Variants in PARVB observed in about 807,000 individuals in gnomAD.
The protein encoded by PARVB is parvin beta, also known as beta-parvin.
In PARVB, 46 loss-of-function variants were observed where a neutral mutation model predicts 47.0. The observed-to-expected ratio is 0.98, with a 90% CI of 0.77 to 1.25. The LOEUF is 1.25. Among genes scored for constraint, PARVB ranks in the 50% most tolerant of loss-of-function variants. The probability of loss-of-function intolerance (pLI) is 0.00; values close to 1 mark genes in which losing one functional copy is unlikely to be tolerated. For missense variants in PARVB, 473 were observed against 471.6 expected, an observed-to-expected ratio of 1.00 and a Z score of -0.03; for synonymous variants, 196 against 196.3, an observed-to-expected ratio of 1.00 and a Z score of 0.01.
In PARVB at chr22:44,170,779, C is replaced by T. The variant is rs1480127811; in HGVS notation, c.*2101C>T. 11 of 152,406 alleles carry T rather than the reference C, an allele frequency of 7.2e-5. No individual in the cohort carries two copies. Among genetic ancestry groups the T allele is most frequent in the African/African-American group, 2.4e-4 (10 of 41,592 alleles). The allele number at this position is 152,406 out of a possible 1,614,324, so 9.4% of individuals were successfully genotyped here. A position where few individuals can be genotyped will look rare whatever the true frequency, so the allele number is the denominator to read the frequency against. Reference sequence around the variant, plus strand: ...TTCCTTGGCATCTCTCAGCATTCTCCGTAGTGAGCCTGGCCTTTCTGATCT... The same window carrying T: ...TTCCTTGGCATCTCTCAGCATTCTCTGTAGTGAGCCTGGCCTTTCTGATCT... On this transcript the variant is annotated 3_prime_UTR_variant, in exon 13 of 13. Transcript: ENST00000338758.
At chr22:44,057,771 G>C (rs915217162) in intron 1 of PARVB, among the ~76,000 whole-genome samples, 10 of 152,096 alleles carry the variant, frequency 6.6e-5, no homozygotes. Context: ...AGGGAGAGGA[G>C]AGAGAGGGGG....
At chr22:44,054,699 G>C (rs906463004) in intron 1 of PARVB, among the ~76,000 whole-genome samples, 2 of 152,140 alleles carry the variant, frequency 1.3e-5, no homozygotes, top group Non-Finnish European at 2.9e-5. Flanking sequence ...CTTAAAAATG[G>C]TTAAAGTAGC....
intron 8 of PARVB, chr22:44,144,184 G>A (rs2147126176): frequency 6.6e-6 from 1 of 152,440 alleles, no homozygotes; most frequent in East Asian, 1.9e-4. Flanking sequence ...CCCCAGGACT[G>A]CTTTGTGAAG....
chr22:44,158,374 C>T (rs2053981664), intron 11 of PARVB, among the ~76,000 whole-genome samples: 1 of 152,166 alleles, frequency 6.6e-6, no homozygotes. Flanking sequence ...GTAAACCCTT[C>T]CCCCATTCTG....
chr22:44,140,733 C>T (rs988886323), intron 8 of PARVB: 1 of 378,998 alleles, frequency 2.6e-6, no homozygotes, highest in Non-Finnish European at 5.3e-6. Flanking sequence ...GGTGAGATCA[C>T]AGGTGAGTGC....
intron 1 of PARVB, among the ~76,000 whole-genome samples, chr22:44,077,085 T>C (rs2051792803): frequency 1.3e-5 from 2 of 152,216 alleles, no homozygotes; most frequent in South Asian, 4.1e-4. Flanking sequence ...TGGGGTGTGC[T>C]AGTGTCCTGG....
At chr22:44,140,184 A>G (rs2053524032) in intron 8 of PARVB, 41 bp downstream of exon 8, 1 of 1,608,842 alleles carries the variant, frequency 6.2e-7, no homozygotes, top group African/African-American at 1.3e-5. Context: ...GAGGCATGTT[A>G]GGGCTCCCCC....
At chr22:44,139,983 C>A (rs780180302) in intron 7 of PARVB, 141 bp from the exon 8 acceptor site, 4 of 785,182 alleles carry the variant, frequency 5.1e-6, no homozygotes, top group Non-Finnish European at 9.1e-6. Flanking sequence ...ATGTGACTTG[C>A]GTTCTTATCA....
In PARVB at chr22:44,103,074, C is replaced by T. The variant is rs2052487287; in HGVS notation, c.273+2951C>T. 1.3e-5 allele frequency: 2 copies of T among 152,292 alleles called. No individual in the cohort carries two copies. The highest frequency in any genetic ancestry group is 2.9e-5 in the Non-Finnish European group (2 of 68,120). 9.4% of individuals were successfully genotyped at this position (152,292 alleles called of 1,614,324 possible). A position where few individuals can be genotyped will look rare whatever the true frequency, so the allele number is the denominator to read the frequency against. ...CTGGATGTCTGCAGTGCCACCCACC[C>T]CTGCCTTTGCTGCTTTGCTGCCAAA... On this transcript the variant is annotated intron_variant, in intron 3 of 12. Transcript: ENST00000338758. The surrounding 1 kb of genome is among the most constrained non-coding windows in gnomAD (Gnocchi z 4.6).
intron 1 of PARVB, among the ~76,000 whole-genome samples, chr22:44,039,303 C>G (rs2050975917): frequency 6.6e-6 from 1 of 152,138 alleles, no homozygotes; most frequent in African/African-American, 2.4e-5. Context: ...GTAATCCCAG[C>G]ACTCTGGGAG....
chr22:44,001,359 G>A (rs954417823), intron 2 of PARVB, among the ~76,000 whole-genome samples: 8 of 152,150 alleles, frequency 5.3e-5, no homozygotes, highest in African/African-American at 1.4e-4. Context: ...TGATAAACCC[G>A]TTGTAATTCA....
At chr22:44,153,968 G>A (rs1418835449) in intron 10 of PARVB, among the ~76,000 whole-genome samples, 2 of 152,188 alleles carry the variant, frequency 1.3e-5, no homozygotes, top group African/African-American at 2.4e-5. Flanking sequence ...AAGCCTAGAA[G>A]TGGAGTCATT....
At chr22:44,073,241 G>A (rs749995841) in intron 1 of PARVB, among the ~76,000 whole-genome samples, 3 of 152,236 alleles carry the variant, frequency 2.0e-5, no homozygotes, top group Admixed American at 6.5e-5. Context: ...TATAATGCTA[G>A]CACTTTGGGA....
intron 10 of PARVB, chr22:44,152,852 C>A (rs748385576): frequency 6.6e-6 from 1 of 152,192 alleles, no homozygotes; most frequent in African/African-American, 2.4e-5. Flanking sequence ...AAGGTGAATG[C>A]ATTCATTCCC....
chr22:44,099,812 C>T (rs1035343993), intron 2 of PARVB, among the ~76,000 whole-genome samples: 6 of 152,226 alleles, frequency 3.9e-5, no homozygotes, highest in East Asian at 1.9e-4. Flanking sequence ...CAGCTGCTGG[C>T]GGAGTCTGGG....
intron 2 of PARVB, among the ~76,000 whole-genome samples, chr22:44,000,880 G>C (rs1447074682): frequency 6.6e-6 from 1 of 152,208 alleles, no homozygotes; most frequent in African/African-American, 2.4e-5. Context: ...TCATATGCTA[G>C]TCATTTGCAA....
intron 5 of PARVB, 61 bp from the exon 6 acceptor site, chr22:44,132,833 G>A (rs748708878): frequency 3.7e-6 from 4 of 1,092,920 alleles, no homozygotes; most frequent in Non-Finnish European, 5.6e-6. Context: ...CCTTCTGCAC[G>A]TGGGCTCAGG....
At position 44,155,554 on chromosome 22, in the gene PARVB, G is replaced by T. The variant is rs762548363; in HGVS notation, c.844-2428G>T. Among the ~76,000 whole-genome samples, 1 of 152,166 alleles carries T rather than the reference G, an allele frequency of 6.6e-6. No homozygotes were observed. The highest frequency in any genetic ancestry group is 1.9e-4 in the East Asian group (1 of 5,174). On this transcript the variant is annotated intron_variant, in intron 10 of 12. Coordinates refer to ENST00000338758, the MANE Select transcript of PARVB (RefSeq NM_013327.5). This position sits in a 1 kb window ranked among gnomAD's most constrained non-coding sequence, Gnocchi z 4.8. ...GCTCAGGGCCTGCGGGAGCAGCGGC[G>T]TGGCCACCCCAGACCTCCTGGGGAG... is the stretch of plus-strand genomic sequence containing the variant.
In PARVB at chr22:44,132,222, A is replaced by G. The variant is rs566699682; in HGVS notation, c.517+595A>G. Among the ~76,000 whole-genome samples the G allele has an allele frequency of 3.2e-3, 484 of 152,238 alleles. 9 individuals carry two copies. Among genetic ancestry groups the G allele is most frequent in the Non-Finnish European group, 4.9e-4 (33 of 68,014 alleles). On this transcript the variant is annotated intron_variant, in intron 5 of 12. Coordinates refer to ENST00000338758, the MANE Select transcript of PARVB (RefSeq NM_013327.5). Reference sequence around the variant, plus strand: ...TTTGGTGAGCTGGGCTCTCAGTGGTAGGCAGGAGACCCTGGAGCCTGGCCT... The same window carrying G: ...TTTGGTGAGCTGGGCTCTCAGTGGTGGGCAGGAGACCCTGGAGCCTGGCCT...
Sources: allele counts gnomAD v4.1 joint callset (sites outside exome capture counted in the v4.1 genomes callset), GRCh38; gene constraint gnomAD v4.1.1; non-coding constraint Gnocchi (gnomAD v3.1); transcripts MANE v1.5; gene names NCBI Gene and HGNC (gene_info 2026-07-23, HGNC 2026-07-21).